UMAD1: variants seen among roughly 807,000 people sequenced by gnomAD.
The protein encoded by UMAD1 is UBAP1-MVB12-associated (UMA)-domain containing protein 1.
In UMAD1, 8 loss-of-function variants were observed where a neutral mutation model predicts 6.1. The observed-to-expected ratio is 1.30, with a 90% CI of 0.76 to 2.35. The LOEUF is 2.35. UMAD1 is among the 30% of genes most tolerant of loss of function. The probability of loss-of-function intolerance (pLI) is 0.00; values close to 1 mark genes in which losing one functional copy is unlikely to be tolerated. For synonymous variants in UMAD1, 56 were observed against 31.4 expected (o/e 1.78, Z -2.61); for missense variants, 130 against 78.4 (o/e 1.66, Z -2.49).
intron 3 of UMAD1, among the ~76,000 whole-genome samples, chr7:7,832,582 CG>C (rs1783487661): frequency 6.6e-6 from 1 of 152,108 alleles, no homozygotes; most frequent in South Asian, 2.1e-4. Flanking sequence ...GAAAGGGGAA[CG>C]TTTTTGGCTT....
chr7:7,828,685 G>A (rs1783396012), intron 3 of UMAD1, among the ~76,000 whole-genome samples: 2 of 152,232 alleles, frequency 1.3e-5, no homozygotes, highest in Non-Finnish European at 2.9e-5. Context: ...ACAACCTTGC[G>A]TTTCATTTTT....
intron 3 of UMAD1, among the ~76,000 whole-genome samples, chr7:7,872,105 A>G (rs547177708): frequency 2.0e-5 from 3 of 152,194 alleles, no homozygotes; most frequent in African/African-American, 7.2e-5. Flanking sequence ...TAAAAAATAA[A>G]AAAAAAAAGA....
intron 2 of UMAD1, among the ~76,000 whole-genome samples, chr7:7,797,979 G>A (rs79496185): frequency 0.085 from 12,920 of 152,254 alleles, 692 homozygotes; most frequent in East Asian, 0.17. Context: ...GAGCCACCGT[G>A]CCTGGCCATC....
intron 3 of UMAD1, among the ~76,000 whole-genome samples, chr7:7,808,950 A>G (rs1277355151): frequency 6.6e-6 from 1 of 151,958 alleles, no homozygotes; most frequent in Non-Finnish European, 1.5e-5. Context: ...TTATACTGAC[A>G]GAAGACACAA....
At chr7:7,756,465 A>G (rs1781778205) in intron 2 of UMAD1, among the ~76,000 whole-genome samples, 1 of 152,228 alleles carries the variant, frequency 6.6e-6, no homozygotes, top group South Asian at 2.1e-4. Flanking sequence ...CTTTGGGCAT[A>G]TCTTGATTTA....
chr7:7,846,789 T>C (rs1202617350), intron 3 of UMAD1, among the ~76,000 whole-genome samples: 1 of 151,204 alleles, frequency 6.6e-6, no homozygotes, highest in African/African-American at 2.4e-5. Context: ...TTAAAAGACT[T>C]TTCATTCTAT....
At chr7:7,726,613 C>T (rs1309518711) in intron 2 of UMAD1, among the ~76,000 whole-genome samples, 1 of 152,176 alleles carries the variant, frequency 6.6e-6, no homozygotes. Flanking sequence ...GCACCATTCA[C>T]CCTCACCCCT....
At chr7:7,874,340 G>A (rs1784379796) in intron 3 of UMAD1, among the ~76,000 whole-genome samples, 1 of 152,124 alleles carries the variant, frequency 6.6e-6, no homozygotes, top group African/African-American at 2.4e-5. Context: ...ACTATCTGCT[G>A]TCAACCCAGC....
chr7:7,864,542 G>A lies in UMAD1; in HGVS notation c.157-12739G>A, dbSNP rs145881315. Among the ~76,000 whole-genome samples, 3 of 151,606 alleles carry A rather than the reference G, an allele frequency of 2.0e-5. No homozygotes were observed. The East Asian group carries it at 5.8e-4, about 30-fold the overall frequency. Reference sequence around the variant, plus strand: ...CTTCTAACATGCACAGCTTGGGGATGTGTGAGGAAACCAGGGTACCTGAAG... The same window carrying A: ...CTTCTAACATGCACAGCTTGGGGATATGTGAGGAAACCAGGGTACCTGAAG... On this transcript the variant is annotated intron_variant, in intron 3 of 3. Transcript: ENST00000682710.
At position 7,715,869 on chromosome 7, in the gene UMAD1, A is replaced by G. The variant is rs542079388; in HGVS notation, c.82+42416A>G. Among the ~76,000 whole-genome samples, 9 of 152,340 alleles carry G rather than the reference A, an allele frequency of 5.9e-5. No individual in the cohort carries two copies. The East Asian group carries it at 1.2e-3, about 20-fold the overall frequency. ...ATTTAAAAAATAGTATCGTGATAGCATAGAGCAAAATTTACATTTTAACCA... is the reference window on the plus strand; with the variant it reads ...ATTTAAAAAATAGTATCGTGATAGCGTAGAGCAAAATTTACATTTTAACCA... On this transcript the variant is annotated intron_variant, in intron 2 of 3. Transcript: ENST00000682710.
At chr7:7,854,103 C>T (rs999626858) in intron 3 of UMAD1, among the ~76,000 whole-genome samples, 2 of 151,978 alleles carry the variant, frequency 1.3e-5, no homozygotes, top group South Asian at 4.1e-4. Flanking sequence ...CACCTGTAAT[C>T]CCAGCACTTT....
chr7:7,800,969 G>T (rs1782787109), intron 2 of UMAD1, among the ~76,000 whole-genome samples: 1 of 152,196 alleles, frequency 6.6e-6, no homozygotes, highest in Non-Finnish European at 1.5e-5. Context: ...TCTCTATCAT[G>T]TGTTAATCAC....
intron 3 of UMAD1, among the ~76,000 whole-genome samples, chr7:7,857,135 T>C (rs1356410273): frequency 6.6e-6 from 1 of 152,214 alleles, no homozygotes; most frequent in East Asian, 1.9e-4. Context: ...ACGGGTCTTT[T>C]AAAAAATCAA....
intron 3 of UMAD1, among the ~76,000 whole-genome samples, chr7:7,853,199 T>C (rs530529298): frequency 2.6e-5 from 4 of 152,348 alleles, no homozygotes; most frequent in African/African-American, 7.2e-5. Context: ...TCTCTCTGCT[T>C]ATGTCAATAC....
At chr7:7,770,430 A>AT (rs533628157) in intron 2 of UMAD1, among the ~76,000 whole-genome samples, 244 of 152,264 alleles carry the variant, frequency 1.6e-3, no homozygotes, top group African/African-American at 5.6e-3. Context: ...CCCCGTTGGC[A>AT]TAAAAACACC....
intron 2 of UMAD1, among the ~76,000 whole-genome samples, chr7:7,754,975 T>C (rs73050089): frequency 3.3e-5 from 5 of 152,318 alleles, no homozygotes; most frequent in African/African-American, 4.8e-5. Flanking sequence ...GTTTTTATAG[T>C]CTTTTTTCAT....
At chr7:7,766,031 T>G (rs1473595771) in intron 2 of UMAD1, among the ~76,000 whole-genome samples, 2 of 152,224 alleles carry the variant, frequency 1.3e-5, no homozygotes, top group African/African-American at 4.8e-5. Context: ...AGAATTAGCC[T>G]TCTGGTCATT....
intron 1 of UMAD1, among the ~76,000 whole-genome samples, chr7:7,659,460 C>T (rs1785422230): frequency 6.6e-6 from 1 of 152,200 alleles, no homozygotes; most frequent in Non-Finnish European, 1.5e-5. Context: ...AAATTTTCCT[C>T]TAAACACTGC....
intron 1 of UMAD1, among the ~76,000 whole-genome samples, chr7:7,662,430 A>T (rs530050400): frequency 1.3e-5 from 2 of 152,248 alleles, no homozygotes; most frequent in African/African-American, 4.8e-5. Flanking sequence ...CTTAAAACCC[A>T]GGTCCGTGGT....
Sources: allele counts gnomAD v4.1 joint callset (sites outside exome capture counted in the v4.1 genomes callset), GRCh38; gene constraint gnomAD v4.1.1; transcripts MANE v1.5; gene names NCBI Gene and HGNC (gene_info 2026-07-23, HGNC 2026-07-21).